Variants in LSM3 observed in about 807,000 individuals in gnomAD.
The protein encoded by LSM3 is LSM3 homolog, U6 small nuclear RNA and mRNA degradation associated.
In LSM3, 14 loss-of-function variants were observed where a neutral mutation model predicts 15.4. That is an observed-to-expected ratio of 0.91 (90% CI 0.60 to 1.42). The LOEUF (loss-of-function observed/expected upper bound fraction) is 1.42. Among genes scored for constraint, LSM3 ranks in the 40% most tolerant of loss-of-function variants. The pLI is 0.00. For synonymous variants in LSM3, 46 were observed against 45.1 expected, an observed-to-expected ratio of 1.02 and a Z score of -0.08; for missense variants, 88 against 127.9, an observed-to-expected ratio of 0.69 and a Z score of 1.50.
In LSM3 at chr3:14,198,177, A is replaced by G; in HGVS notation, c.*61A>G. On this transcript the variant is annotated 3_prime_UTR_variant, in exon 4 of 4. Coordinates refer to ENST00000306024, the MANE Select transcript of LSM3 (RefSeq NM_014463.3). ...TTTGTACAGTGGCCTCTCTAAAAGT[A>G]CAAAACATTCATAAGAGAAACCTGC... The G allele has an allele frequency of 2.4e-6, 3 of 1,230,266 alleles. No homozygotes were observed. The highest frequency in any genetic ancestry group is 3.6e-6 in the Non-Finnish European group (3 of 836,498). 76.2% of individuals were successfully genotyped at this position (1,230,266 alleles called of 1,614,324 possible).
At chr3:14,193,396 C>T (rs2607745) in intron 3 of LSM3, among the ~76,000 whole-genome samples, 61,696 of 152,028 alleles carry the variant, frequency 0.41, 13,257 homozygotes, top group Non-Finnish European at 0.48. Context: ...CCATTCTCTC[C>T]GTCACTTTGA....
intron 2 of LSM3, 86 bp downstream of exon 2, chr3:14,181,756 G>T: frequency 1.0e-6 from 1 of 974,076 alleles, no homozygotes; most frequent in Non-Finnish European, 1.6e-6. Flanking sequence ...AGAGTGAAAG[G>T]GTATTTTGAA....
At chr3:14,184,782 A>G (rs1179135980) in intron 3 of LSM3, among the ~76,000 whole-genome samples, 1 of 147,894 alleles carries the variant, frequency 6.8e-6, no homozygotes, top group Non-Finnish European at 1.5e-5. Context: ...CTGGCCAGGC[A>G]TGGTGGCTCA....
chr3:14,191,370 C>G (rs1459116523), intron 3 of LSM3, among the ~76,000 whole-genome samples: 1 of 152,196 alleles, frequency 6.6e-6, no homozygotes, highest in Non-Finnish European at 1.5e-5. Context: ...GCCAGCTTCT[C>G]TTTGTACCTC....
chr3:14,180,391 T>C (rs2607735), intron 1 of LSM3, among the ~76,000 whole-genome samples: 98,335 of 151,526 alleles, frequency 0.65, 32,204 homozygotes, highest in African/African-American at 0.73. Flanking sequence ...TGGGTTCAAG[T>C]GATTCTCCTG....
At position 14,181,666 on chromosome 3, in the gene LSM3, T is replaced by C. The variant is rs755974209; in HGVS notation, c.128T>C (p.Leu43Ser). The C allele has an allele frequency of 6.2e-7, 1 of 1,605,792 alleles. No individual in the cohort carries two copies. The highest frequency in any genetic ancestry group is 1.1e-5 in the South Asian group (1 of 90,904). Residue 43 changes from leucine to serine, a missense_variant, in exon 2 of 4, where the codon TTA becomes TCA. Physicochemically the swap from Leu to Ser is moderately radical, Grantham distance 145. Transcript: ENST00000306024. Reference protein sequence around the residue: ...MRNDRELRGRLHAYDQHLNMI... With the variant: ...MRNDRELRGRSHAYDQHLNMI... ...AATGACCGAGAGCTTCGAGGCAGAT[T>C]ACATGTAAGTAAATTTATCAAGTTA...
chr3:14,200,378 C>G lies in LSM3; in HGVS notation c.*2262C>G, dbSNP rs894003497. On this transcript the variant is annotated 3_prime_UTR_variant, in exon 4 of 4. Coordinates refer to ENST00000306024, the MANE Select transcript of LSM3 (RefSeq NM_014463.3). ...GCCATGGTCCACACTGAGGTTTCCTCTGCAGTGGTGCTGTCCACTGAGGGG... is the reference window on the plus strand; with the variant it reads ...GCCATGGTCCACACTGAGGTTTCCTGTGCAGTGGTGCTGTCCACTGAGGGG... 6.6e-6 allele frequency: 1 copy of G among 152,256 alleles called. No homozygotes were observed. The allele number at this position is 152,256 out of a possible 1,614,324, so 9.4% of individuals were successfully genotyped here. A position where few individuals can be genotyped will look rare whatever the true frequency, so the allele number is the denominator to read the frequency against.
intron 3 of LSM3, among the ~76,000 whole-genome samples, chr3:14,184,248 T>A (rs990352916): frequency 1.3e-5 from 2 of 152,154 alleles, no homozygotes; most frequent in African/African-American, 4.8e-5. Context: ...GCAAGGGAAT[T>A]AAGTTAGCTG....
intron 2 of LSM3, among the ~76,000 whole-genome samples, chr3:14,182,319 A>G (rs1227708648): frequency 6.6e-6 from 1 of 151,518 alleles, no homozygotes; most frequent in Non-Finnish European, 1.5e-5. Flanking sequence ...GGATCTTGCC[A>G]TACATGTTTT....
At chr3:14,188,421 C>G (rs79067844) in intron 3 of LSM3, among the ~76,000 whole-genome samples, 1,543 of 152,228 alleles carry the variant, frequency 0.01, 24 homozygotes, top group African/African-American at 0.036. Context: ...TTTAATTTAA[C>G]TTTTTGAATA....
At chr3:14,192,261 AT>A (rs1267453362) in intron 3 of LSM3, among the ~76,000 whole-genome samples, 1 of 152,134 alleles carries the variant, frequency 6.6e-6, no homozygotes, top group African/African-American at 2.4e-5. Context: ...TATTCTGTTG[AT>A]TTGGGGTGGA....
intron 1 of LSM3, among the ~76,000 whole-genome samples, chr3:14,180,842 TTTTTTTTTTTTTTTTAAA>T (rs1697029856): frequency 8.0e-6 from 1 of 125,282 alleles, no homozygotes; most frequent in Non-Finnish European, 1.6e-5. Context: ...TTTTTTTTTT[TTTTTTTTTTTTTTTTAAA>T]AAAAAAAAAG....
In LSM3 at chr3:14,194,699, A is replaced by C. The variant is rs142200656; in HGVS notation, c.229-3337A>C. ...ATCAGACACACATGCACACTTAAAAAAAAAAATTCTGGGTGAAATTCATCA... is the reference window on the plus strand; with the variant it reads ...ATCAGACACACATGCACACTTAAAACAAAAAATTCTGGGTGAAATTCATCA... On this transcript the variant is annotated intron_variant, in intron 3 of 3. Coordinates refer to ENST00000306024, the MANE Select transcript of LSM3 (RefSeq NM_014463.3). Among the ~76,000 whole-genome samples, 149 of 152,148 alleles carry C rather than the reference A, an allele frequency of 9.8e-4. No individual in the cohort carries two copies. The East Asian group carries it at 0.02, about 21-fold the overall frequency.
intron 3 of LSM3, among the ~76,000 whole-genome samples, chr3:14,185,753 G>A (rs1347795247): frequency 2.6e-5 from 4 of 152,158 alleles, no homozygotes; most frequent in African/African-American, 7.2e-5. Context: ...TCATTAATCT[G>A]CCTTGCACCT....
intron 1 of LSM3, among the ~76,000 whole-genome samples, chr3:14,179,828 G>A (rs1574986094): frequency 6.6e-6 from 1 of 152,240 alleles, no homozygotes; most frequent in African/African-American, 2.4e-5. Flanking sequence ...CAGACAGTGG[G>A]CATCCCAGAC....
intron 3 of LSM3, among the ~76,000 whole-genome samples, chr3:14,192,923 C>G (rs1015672459): frequency 2.0e-5 from 3 of 151,680 alleles, no homozygotes; most frequent in African/African-American, 7.2e-5. Flanking sequence ...ATTGGTTGTT[C>G]CTTTCCATGT....
At chr3:14,195,022 G>A (rs1261393710) in intron 3 of LSM3, among the ~76,000 whole-genome samples, 1 of 152,032 alleles carries the variant, frequency 6.6e-6, no homozygotes, top group African/African-American at 2.4e-5. Flanking sequence ...ACATGTACTG[G>A]CTCAGCAGTC....
intron 3 of LSM3, among the ~76,000 whole-genome samples, chr3:14,195,921 G>A (rs1423418107): frequency 6.6e-6 from 1 of 151,220 alleles, no homozygotes; most frequent in African/African-American, 2.4e-5. Flanking sequence ...ATAAAGCTGT[G>A]TGCCCTTGGC....
intron 3 of LSM3, 103 bp downstream of exon 3, chr3:14,184,135 T>C: frequency 7.2e-7 from 1 of 1,394,548 alleles, no homozygotes; most frequent in Non-Finnish European, 9.5e-7. Context: ...TGACACCTAC[T>C]TATGGACTCA....
Sources: allele counts gnomAD v4.1 joint callset (sites outside exome capture counted in the v4.1 genomes callset), GRCh38; gene constraint gnomAD v4.1.1; transcripts MANE v1.5; gene names NCBI Gene and HGNC (gene_info 2026-07-23, HGNC 2026-07-21).